The following PC variants were observed in gnomAD, a reference collection of about 807,000 sequenced individuals.
The protein encoded by PC is pyruvate carboxylase, also known as pyruvate carboxylase, mitochondrial.
Under a neutral mutation model 107.8 loss-of-function variants are expected in PC, and 46 were observed. The observed-to-expected ratio is 0.43, with a 90% CI of 0.34 to 0.55. The LOEUF (loss-of-function observed/expected upper bound fraction) is 0.55, where lower values mean the gene tolerates loss of function less well. Ranked by LOEUF, PC falls within the 20% of genes least tolerant of loss-of-function variation. The pLI is 0.04. For synonymous variants in PC, 662 were observed against 684.7 expected (o/e 0.97, Z 0.52); for missense variants, 1,241 against 1,643.1 (o/e 0.76, Z 4.23).
At chr11:66,948,016 T>C (rs961887609) in intron 3 of PC, among the ~76,000 whole-genome samples, 15 of 43,222 alleles carry the variant, frequency 3.5e-4, no homozygotes, top group African/African-American at 1.2e-3. Flanking sequence ...CTACTAAAGA[T>C]AGATAGATAG....
intron 3 of PC, among the ~76,000 whole-genome samples, chr11:66,939,710 A>G (rs1167661521): frequency 6.8e-6 from 1 of 146,872 alleles, no homozygotes; most frequent in Non-Finnish European, 1.5e-5. Flanking sequence ...AGGCTGAGGC[A>G]GGAGAATCAC....
chr11:66,851,816 G>T lies in PC; in HGVS notation c.1956C>A (p.Thr652=). The T allele has an allele frequency of 3.1e-6, 5 of 1,614,150 alleles. No homozygotes were observed. Among genetic ancestry groups the T allele is most frequent in the Non-Finnish European group, 4.2e-6 (5 of 1,180,008 alleles). The change falls in exon 16 of 23, where the codon ACC becomes ACA. Residue 652 remains threonine (T), a synonymous_variant. Coordinates refer to ENST00000393960, the MANE Select transcript of PC (RefSeq NM_001040716.2). The stretch of plus-strand genomic sequence containing the variant: ...TGAAGACCACGTTGTCTGGGTAGTT[G>T]GTGTAGCCCACAGCATTGGCCCCCC... The part of the protein sequence containing the change: ...LLRGANAVGY[T]NYPDNVVFKF...
intron 3 of PC, among the ~76,000 whole-genome samples, chr11:66,946,615 C>T (rs1308983105): frequency 6.6e-6 from 1 of 151,748 alleles, no homozygotes; most frequent in African/African-American, 2.4e-5. Flanking sequence ...AGTGAGACTC[C>T]ATCTCAAAAA....
intron 3 of PC, among the ~76,000 whole-genome samples, chr11:66,873,212 T>C (rs1946810093): frequency 6.8e-6 from 1 of 146,168 alleles, no homozygotes; most frequent in African/African-American, 2.5e-5. Flanking sequence ...TGGTGGCACA[T>C]GCCTGTAATC....
chr11:66,898,972 G>A (rs1052226436), intron 3 of PC, among the ~76,000 whole-genome samples: 1 of 152,106 alleles, frequency 6.6e-6, no homozygotes, highest in Non-Finnish European at 1.5e-5. Flanking sequence ...CCGGGTTCAA[G>A]CGATTCTCCT....
Position 66,851,912 on chromosome 11 carries a change from A to G in PC, c.1860T>C (p.Tyr620=). Residue 620 remains tyrosine (Y), a synonymous_variant, in exon 16 of 23, where the codon TAT becomes TAC. Transcript: ENST00000393960. ...ATFDVAMRFL[Y]ECPWRRLQEL... Reference sequence around the variant, plus strand: ...CCTGCAGCCGCCGCCAGGGGCACTCATACAGGAAGCGCATGGCGACGTCAA... The same window carrying G: ...CCTGCAGCCGCCGCCAGGGGCACTCGTACAGGAAGCGCATGGCGACGTCAA... 1 of 1,614,080 alleles carries G rather than the reference A, an allele frequency of 6.2e-7. No individual in the cohort carries two copies. Among genetic ancestry groups the G allele is most frequent in the Non-Finnish European group, 8.5e-7 (1 of 1,180,016 alleles).
At chr11:66,856,769 T>G (rs558948667) in intron 12 of PC, 7 of 151,848 alleles carry the variant, frequency 4.6e-5, no homozygotes, top group African/African-American at 1.5e-4. Flanking sequence ...TGTCTGGCTG[T>G]CTGCAGAGTG....
Position 66,871,852 on chromosome 11 carries a change from C to T in PC, c.156G>A (p.Val52=), listed in dbSNP as rs755304564. The change falls in exon 5 of 23, where the codon GTG becomes GTA. Residue 52 remains valine, a synonymous_variant. Coordinates refer to ENST00000393960, the MANE Select transcript of PC (RefSeq NM_001040716.2). The surrounding 1 kb of genome is among the most constrained non-coding windows in gnomAD (Gnocchi z 7.4). The stretch of plus-strand genomic sequence containing the variant: ...TGCCCAGCTCCGTGCAGGCCCGGAA[C>T]ACACGGATGGCAATCTCACCTAGAG... ...VANRGEIAIR[V]FRACTELGIR... is the part of the protein sequence containing the mutation. The T allele has an allele frequency of 6.2e-7, 1 of 1,608,558 alleles. No individual in the cohort carries two copies.
At chr11:66,928,359 CTGG>C (rs1366787415) in intron 3 of PC, among the ~76,000 whole-genome samples, 4 of 141,282 alleles carry the variant, frequency 2.8e-5, no homozygotes, top group African/African-American at 1.1e-4. Context: ...GCACTCCAGC[CTGG>C]GCGACAGAGT....
At chr11:66,880,331 T>G (rs1015731362) in intron 3 of PC, among the ~76,000 whole-genome samples, 1 of 152,102 alleles carries the variant, frequency 6.6e-6, no homozygotes, top group African/African-American at 2.4e-5. Context: ...GGGTCTGGGA[T>G]GGTTCAAAGG....
intron 3 of PC, among the ~76,000 whole-genome samples, chr11:66,898,396 A>G (rs1947833638): frequency 6.6e-6 from 1 of 152,168 alleles, no homozygotes; most frequent in Non-Finnish European, 1.5e-5. Context: ...GTGCAATTCA[A>G]TGGCCGGGTG....
chr11:66,882,938 G>T (rs527796912), intron 3 of PC, among the ~76,000 whole-genome samples: 3 of 152,208 alleles, frequency 2.0e-5, no homozygotes, highest in Admixed American at 6.5e-5. Flanking sequence ...GGGGCAGAAG[G>T]GAGGACGCTG....
chr11:66,903,585 CAAA>C (rs748653705), intron 3 of PC, among the ~76,000 whole-genome samples: 1 of 131,650 alleles, frequency 7.6e-6, no homozygotes, highest in Non-Finnish European at 1.6e-5. Flanking sequence ...ACTAAAAATA[CAAA>C]AAAAAAAAAA....
Position 66,870,664 on chromosome 11 carries a change from G to T in PC, c.751+111C>A, listed in dbSNP as rs550509946. The T allele has an allele frequency of 4.1e-6, 5 of 1,228,588 alleles. No individual in the cohort carries two copies. Among genetic ancestry groups the T allele is most frequent in the South Asian group, 1.2e-5 (1 of 83,036 alleles). 76.1% of individuals were successfully genotyped at this position (1,228,588 alleles called of 1,614,324 possible). A position where few individuals can be genotyped will look rare whatever the true frequency, so the allele number is the denominator to read the frequency against. On this transcript the variant is annotated intron_variant, in intron 8 of 22. Transcript: ENST00000393960. This position sits in a 1 kb window ranked among gnomAD's most constrained non-coding sequence, Gnocchi z 6.1. ...ACTTTCCAGAGTCCTCTGGAAAAGC[G>T]CCCGACAGGCCCCAGGGCTGTCCCC...
At position 66,870,379 on chromosome 11, in the gene PC, C is replaced by T. The variant is rs1018564264; in HGVS notation, c.826G>A (p.Glu276Lys). The change falls in exon 9 of 23, where the codon GAG becomes AAG. Residue 276 changes from glutamate (E) to lysine (K), a missense_variant. Physicochemically the swap from Glu to Lys is moderately conservative, Grantham distance 56. Around this residue, in one of 2 missense-constraint regions of PC, gnomAD observed 1,143 missense variants for 1,551.9 expected, o/e 0.74. Transcript: ENST00000393960. The surrounding 1 kb of genome is among the most constrained non-coding windows in gnomAD (Gnocchi z 6.1). Reference protein sequence around the residue: ...SIQRRHQKVVEIAPAAHLDPQ... With the variant: ...SIQRRHQKVVKIAPAAHLDPQ... ...TCCAGGTGGGCGGCGGGGGCAATCT[C>T]GACCACCTTCTGGTGCCGCCGCTGG... 2 of 1,613,660 alleles carry T rather than the reference C, an allele frequency of 1.2e-6. No homozygotes were observed. The highest frequency in any genetic ancestry group is 1.7e-6 in the Non-Finnish European group (2 of 1,180,004).
chr11:66,886,106 C>T (rs867330961), intron 3 of PC, among the ~76,000 whole-genome samples: 2 of 151,672 alleles, frequency 1.3e-5, no homozygotes, highest in African/African-American at 4.8e-5. Context: ...AGGCGGGCCA[C>T]GCCTGCGTGG....
intron 3 of PC, among the ~76,000 whole-genome samples, chr11:66,939,962 T>C (rs934408580): frequency 5.3e-5 from 8 of 150,900 alleles, no homozygotes; most frequent in Non-Finnish European, 8.8e-5. Context: ...GGAAAAAACA[T>C]AGGGGAAAAG....
chr11:66,924,070 C>T (rs1396769418), intron 3 of PC, among the ~76,000 whole-genome samples: 9 of 151,284 alleles, frequency 5.9e-5, no homozygotes, highest in Non-Finnish European at 4.4e-5. Flanking sequence ...GGTGTGGTGG[C>T]ACACACCTGT....
At chr11:66,921,198 G>A (rs935243852) in intron 3 of PC, among the ~76,000 whole-genome samples, 3 of 152,134 alleles carry the variant, frequency 2.0e-5, no homozygotes, top group African/African-American at 4.8e-5. Flanking sequence ...AACACGGAGC[G>A]TGGAAACGAC....
Sources: allele counts gnomAD v4.1 joint callset (sites outside exome capture counted in the v4.1 genomes callset), GRCh38; gene constraint gnomAD v4.1.1; regional missense constraint gnomAD v4.1.1; non-coding constraint Gnocchi (gnomAD v3.1); transcripts MANE v1.5; gene names NCBI Gene and HGNC (gene_info 2026-07-23, HGNC 2026-07-21).